Variants in LMO7 observed in about 807,000 individuals in gnomAD.
LMO7 encodes the protein LIM domain 7, also known as LIM domain only protein 7.
LMO7 carries 120 observed loss-of-function variants against 206.5 expected under a neutral mutation model. That is an observed-to-expected ratio of 0.58 (90% CI 0.50 to 0.68). LMO7 has a LOEUF of 0.68. Ranked by LOEUF, LMO7 falls within the 30% of genes least tolerant of loss-of-function variation. The pLI is 0.00. For synonymous variants in LMO7, 706 were observed against 681.5 expected (o/e 1.04, Z -0.56); for missense variants, 1,959 against 1,957.9 (o/e 1.00, Z -0.01).
At chr13:75,800,903 C>T (rs767179892) in intron 7 of LMO7, 21 bp downstream of exon 7, 2 of 1,609,526 alleles carry the variant, frequency 1.2e-6, no homozygotes, top group Non-Finnish European at 1.7e-6. Flanking sequence ...TTTTGGCTGT[C>T]AGTTTATTTG....
At chr13:75,627,425 G>A (rs1197316136) in intron 2 of LMO7, 2 of 152,178 alleles carry the variant, frequency 1.3e-5, no homozygotes, top group Non-Finnish European at 2.9e-5. Context: ...TTTATCAAAA[G>A]TAACCCCATC....
Position 75,823,849 on chromosome 13 carries a change from A to G in LMO7, c.2925A>G (p.Pro975=), listed in dbSNP as rs773159457. 30 of 1,613,966 alleles carry G rather than the reference A, an allele frequency of 1.9e-5. No homozygotes were observed. The highest frequency in any genetic ancestry group is 2.5e-5 in the Non-Finnish European group (29 of 1,179,850). ...AATCTGGAGAAGGGGAAATCTCCCCACAAAGAGAAGTCTCAAGATCCCAGG... is the reference window on the plus strand; with the variant it reads ...AATCTGGAGAAGGGGAAATCTCCCCGCAAAGAGAAGTCTCAAGATCCCAGG... ...MSESGEGEIS[P]QREVSRSQDQ... Residue 975 remains proline, a synonymous_variant, in exon 15 of 31, where the codon CCA becomes CCG. Transcript: ENST00000377534.
chr13:75,814,064 T>C (rs1382060495), intron 11 of LMO7, among the ~76,000 whole-genome samples: 2 of 152,214 alleles, frequency 1.3e-5, no homozygotes, highest in Non-Finnish European at 2.9e-5. Flanking sequence ...TAAGTAGTCA[T>C]ACCTAGTTAG....
In LMO7 at chr13:75,794,312, TG is replaced by T. The variant is rs536851760; in HGVS notation, c.318-1088del. ...GAGTTCATGAATTTCATTGTTGAGA[TG>T]TTTTTTTGGGAGGTGGGTAAGAGGT... On this transcript the variant is annotated intron_variant, in intron 4 of 30. Transcript: ENST00000377534. Among the ~76,000 whole-genome samples, 65 of 152,304 alleles carry T rather than the reference TG, an allele frequency of 4.3e-4. No homozygotes were observed. The South Asian group carries it at 7.5e-3, about 17-fold the overall frequency.
chr13:75,799,435 G>T (rs2054460757), intron 6 of LMO7, among the ~76,000 whole-genome samples: 1 of 152,026 alleles, frequency 6.6e-6, no homozygotes, highest in Non-Finnish European at 1.5e-5. Flanking sequence ...AATATAAACT[G>T]CAGATGTATT....
chr13:75,636,691 T>C lies in LMO7; in HGVS notation c.34T>C (p.Ser12Pro). Residue 12 changes from serine (S) to proline (P), a missense_variant, in exon 1 of 31, where the codon TCC becomes CCC. Coordinates refer to ENST00000377534, the MANE Select transcript of LMO7 (RefSeq NM_001306080.2). ...EGLEEAEANC[S>P]VAFAEAQRWV... is the part of the protein sequence containing the mutation. Reference sequence around the variant, plus strand: ...GCTGGAGGAGGCAGAGGCCAACTGCTCCGTGGCGTTCGCTGAGGCTCAGAG... The same window carrying C: ...GCTGGAGGAGGCAGAGGCCAACTGCCCCGTGGCGTTCGCTGAGGCTCAGAG... The C allele has an allele frequency of 6.2e-7, 1 of 1,609,734 alleles. No homozygotes were observed. Among genetic ancestry groups the C allele is most frequent in the Non-Finnish European group, 8.5e-7 (1 of 1,178,778 alleles).
intron 4 of LMO7, among the ~76,000 whole-genome samples, chr13:75,778,484 G>A (rs542649252): frequency 2.0e-5 from 3 of 152,226 alleles, no homozygotes; most frequent in East Asian, 3.9e-4. Flanking sequence ...CACCCGCCTC[G>A]GCCTCCCAAA....
chr13:75,647,951 C>CTTTCTT (rs1555286938), intron 1 of LMO7, among the ~76,000 whole-genome samples: 23,628 of 91,302 alleles, frequency 0.26, 4,059 homozygotes, highest in Middle Eastern at 0.37. Context: ...TCTTTTCTTT[C>CTTTCTT]TTTTTTTTTT....
At position 75,717,085 on chromosome 13, in the gene LMO7, C is replaced by G. The variant is rs544816691; in HGVS notation, c.140+3833C>G. ...TCACAGTAAGAACACTCTTCTCGGC[C>G]GGGCGCGGTGGCTCACGCCTGTAAT... On this transcript the variant is annotated intron_variant, in intron 2 of 30. Transcript: ENST00000377534. 4.6e-5 allele frequency among the ~76,000 whole-genome samples: 7 copies of G among 151,916 alleles called. No individual in the cohort carries two copies. In the East Asian group the frequency reaches 1.4e-3, roughly 29 times the overall value.
intron 2 of LMO7, among the ~76,000 whole-genome samples, chr13:75,626,404 G>A (rs1262699464): frequency 1.3e-5 from 2 of 150,660 alleles, no homozygotes; most frequent in African/African-American, 4.9e-5. Context: ...ATCAGATCTC[G>A]TGAGACTTAT....
At chr13:75,832,365 G>C (rs1268609011) in intron 15 of LMO7, among the ~76,000 whole-genome samples, 2 of 152,190 alleles carry the variant, frequency 1.3e-5, no homozygotes, top group Non-Finnish European at 2.9e-5. Context: ...ATGTCATTTT[G>C]AAGAAGTCAT....
chr13:75,733,508 G>A (rs1314296229), intron 3 of LMO7, among the ~76,000 whole-genome samples: 3 of 152,290 alleles, frequency 2.0e-5, no homozygotes, highest in Middle Eastern at 3.4e-3. Flanking sequence ...GGAGTGACCC[G>A]ATTTTCCAGG....
chr13:75,853,373 C>T lies in LMO7; in HGVS notation c.4646C>T (p.Ser1549Phe), dbSNP rs772333699. ...TCCCCTTCAGCTTCACAGTCAGGCTCTCAGCTGCGTAACAGGTGAGGCCCT... is the reference window on the plus strand; with the variant it reads ...TCCCCTTCAGCTTCACAGTCAGGCTTTCAGCTGCGTAACAGGTGAGGCCCT... ...SHSPSASQSG[S>F]QLRNRSVSGK... is the part of the protein sequence containing the mutation. Residue 1549 changes from serine to phenylalanine, a missense_variant, in exon 28 of 31, where the codon TCT becomes TTT. Physicochemically the swap from Ser to Phe is radical, Grantham distance 155 (BLOSUM62 -2). Transcript: ENST00000377534. 1 of 1,605,920 alleles carries T rather than the reference C, an allele frequency of 6.2e-7. No individual in the cohort carries two copies. The highest frequency in any genetic ancestry group is 8.5e-7 in the Non-Finnish European group (1 of 1,175,672).
chr13:75,622,797 T>C (rs1034683430), intron 1 of LMO7, among the ~76,000 whole-genome samples: 23 of 152,240 alleles, frequency 1.5e-4, no homozygotes, highest in African/African-American at 5.1e-4. Context: ...GGATACCAAC[T>C]GAAAGCAGAT....
At chr13:75,784,667 C>G (rs1454943428) in intron 4 of LMO7, among the ~76,000 whole-genome samples, 2 of 152,102 alleles carry the variant, frequency 1.3e-5, no homozygotes, top group Non-Finnish European at 2.9e-5. Flanking sequence ...TTACAGAGAA[C>G]TTCCATGTAC....
At chr13:75,630,664 C>CA (rs1400624404) in intron 2 of LMO7, among the ~76,000 whole-genome samples, 6 of 151,740 alleles carry the variant, frequency 4.0e-5, no homozygotes, top group Non-Finnish European at 5.9e-5. Flanking sequence ...GACCCTGTCT[C>CA]AAAAAACAAA....
At chr13:75,678,085 T>C (rs555473325) in intron 1 of LMO7, among the ~76,000 whole-genome samples, 5 of 152,256 alleles carry the variant, frequency 3.3e-5, no homozygotes, top group African/African-American at 1.2e-4. Flanking sequence ...CTATTGTGAA[T>C]AGTGCCACAA....
intron 2 of LMO7, among the ~76,000 whole-genome samples, chr13:75,722,613 C>T (rs541911714): frequency 6.6e-6 from 1 of 152,230 alleles, no homozygotes; most frequent in Admixed American, 6.5e-5. Context: ...TAAACTAGTA[C>T]AGCCACTGTG....
intron 1 of LMO7, among the ~76,000 whole-genome samples, chr13:75,647,027 A>C (rs963067229): frequency 6.6e-6 from 1 of 151,760 alleles, no homozygotes; most frequent in African/African-American, 2.4e-5. Context: ...CTCAGATTTC[A>C]TTGCATTTAT....
Sources: gnomAD v4.1 joint callset for allele counts (sites outside exome capture counted in the v4.1 genomes callset) on GRCh38, gnomAD v4.1.1 for gene constraint, MANE v1.5 for transcripts, NCBI Gene and HGNC (gene_info 2026-07-23, HGNC 2026-07-21) for gene names.